Variants in KCNH1 observed in about 807,000 individuals in gnomAD.
KCNH1 encodes potassium voltage-gated channel subfamily H member 1.
In KCNH1, 27 loss-of-function variants were observed where a neutral mutation model predicts 69.2. The ratio of observed to expected loss-of-function variants is 0.39; its 90% CI spans 0.29 to 0.54. The LOEUF is 0.54. Ranked by LOEUF, KCNH1 falls within the 20% of genes least tolerant of loss-of-function variation. KCNH1 has a pLI of 0.68. For missense variants in KCNH1, 798 were observed against 1,261.6 expected (o/e 0.63, Z 5.57); for synonymous variants, 456 against 487.7 (o/e 0.93, Z 0.86).
chr1:211,016,687 T>C (rs1421210166), intron 6 of KCNH1, among the ~76,000 whole-genome samples: 1 of 151,902 alleles, frequency 6.6e-6, no homozygotes, highest in East Asian at 1.9e-4. Context: ...GGCAGGCAGA[T>C]CACTTGAGGT....
At chr1:210,809,009 C>A (rs911465517) in intron 7 of KCNH1, among the ~76,000 whole-genome samples, 1 of 152,134 alleles carries the variant, frequency 6.6e-6, no homozygotes, top group African/African-American at 2.4e-5. Flanking sequence ...CTCCCCCAAC[C>A]TCAAGGCAAA....
intron 5 of KCNH1, among the ~76,000 whole-genome samples, chr1:211,067,256 C>T (rs1166116235): frequency 6.6e-6 from 1 of 152,210 alleles, no homozygotes; most frequent in Non-Finnish European, 1.5e-5. Flanking sequence ...CTCAGAAGTG[C>T]ATCCCTCAGA....
chr1:210,981,870 T>C (rs1688716699), intron 6 of KCNH1, among the ~76,000 whole-genome samples: 1 of 151,980 alleles, frequency 6.6e-6, no homozygotes, highest in Admixed American at 6.6e-5. Context: ...CAAGGCAGGG[T>C]AAAGAGGGGC....
intron 7 of KCNH1, among the ~76,000 whole-genome samples, chr1:210,901,777 AAG>A (rs1686999994): frequency 6.6e-6 from 1 of 152,216 alleles, no homozygotes; most frequent in African/African-American, 2.4e-5. Flanking sequence ...GATCTTGAGA[AAG>A]AGAAGAATAG....
chr1:210,727,838 C>T (rs191865796), intron 10 of KCNH1, among the ~76,000 whole-genome samples: 2 of 152,258 alleles, frequency 1.3e-5, no homozygotes, highest in East Asian at 1.9e-4. Context: ...AAAGAAAAAA[C>T]GCTGAAGCAC....
chr1:210,817,831 T>C (rs898366157), intron 7 of KCNH1, among the ~76,000 whole-genome samples: 1 of 152,172 alleles, frequency 6.6e-6, no homozygotes, highest in South Asian at 2.1e-4. Flanking sequence ...GCCCTGAACC[T>C]TTGTACCAGT....
At position 211,098,571 on chromosome 1, in the gene KCNH1, A is replaced by G. The variant is rs1691201051; in HGVS notation, c.310+4925T>C. Among the ~76,000 whole-genome samples the G allele has an allele frequency of 2.0e-5, 3 of 152,298 alleles. 1 individual carries two copies. The South Asian group carries it at 6.2e-4, about 32-fold the overall frequency. ...ATAGGACAAATATTAATGCTTATCA[A>G]TAGAAGATCCTTTCTACAAAGTTGT... On this transcript the variant is annotated intron_variant, in intron 3 of 10. Coordinates refer to ENST00000271751, the MANE Select transcript of KCNH1 (RefSeq NM_172362.3).
chr1:210,802,877 C>G (rs927824488), intron 8 of KCNH1, among the ~76,000 whole-genome samples: 9 of 151,960 alleles, frequency 5.9e-5, no homozygotes, highest in Non-Finnish European at 1.0e-4. Flanking sequence ...ACCTGTGTAA[C>G]AAACCTGCAT....
rs922583507 is a variant in KCNH1 at position 211,053,153 on chromosome 1, C to T, written c.558+29627G>A. On this transcript the variant is annotated intron_variant, in intron 5 of 10. Coordinates refer to ENST00000271751, the MANE Select transcript of KCNH1 (RefSeq NM_172362.3). ...GATAGGCAGTGTAAACTGGCCCAAC[C>T]TTGTTTTTTCAACTTCAGCACTTTC... is the stretch of plus-strand genomic sequence containing the variant. Among the ~76,000 whole-genome samples the T allele has an allele frequency of 1.1e-4, 16 of 152,254 alleles. No individual in the cohort carries two copies. In the East Asian group the frequency reaches 2.9e-3, roughly 28 times the overall value.
chr1:211,090,303 T>C (rs905997461), intron 4 of KCNH1, among the ~76,000 whole-genome samples: 3 of 152,240 alleles, frequency 2.0e-5, no homozygotes, highest in Non-Finnish European at 2.9e-5. Flanking sequence ...TGTCTTCTTC[T>C]GCCTAACTAA....
At chr1:210,976,907 A>G (rs1291186002) in intron 6 of KCNH1, among the ~76,000 whole-genome samples, 5 of 148,178 alleles carry the variant, frequency 3.4e-5, no homozygotes, top group Non-Finnish European at 4.5e-5. Flanking sequence ...GCGAGTCCTC[A>G]GGGATCTAGA....
chr1:211,034,607 C>A (rs150127732), intron 5 of KCNH1, among the ~76,000 whole-genome samples: 1 of 152,016 alleles, frequency 6.6e-6, no homozygotes, highest in African/African-American at 2.4e-5. Context: ...TCACTTACAT[C>A]GTTTCTTACA....
intron 6 of KCNH1, among the ~76,000 whole-genome samples, chr1:210,949,098 T>G (rs1174920019): frequency 1.3e-5 from 2 of 152,180 alleles, no homozygotes; most frequent in East Asian, 3.9e-4. Context: ...TGAACAATTT[T>G]TTTATTATAA....
chr1:211,066,946 C>T (rs377479653), intron 5 of KCNH1, among the ~76,000 whole-genome samples: 4 of 152,318 alleles, frequency 2.6e-5, no homozygotes, highest in South Asian at 4.1e-4. Context: ...GTCGTGCCTA[C>T]GCTCCAGCTA....
intron 10 of KCNH1, among the ~76,000 whole-genome samples, chr1:210,727,743 C>T (rs1308064535): frequency 4.6e-5 from 7 of 152,176 alleles, no homozygotes; most frequent in Non-Finnish European, 7.4e-5. Flanking sequence ...AGCTAACATG[C>T]AAGAACCAGG....
rs949833873 is a variant in KCNH1 at position 211,133,126 on chromosome 1, C to T, written c.79+741G>A. 1 of 152,212 alleles carries T rather than the reference C, an allele frequency of 6.6e-6. No individual in the cohort carries two copies. Among genetic ancestry groups the T allele is most frequent in the African/African-American group, 2.4e-5 (1 of 41,424 alleles). 9.4% of individuals were successfully genotyped at this position (152,212 alleles called of 1,614,324 possible). A position where few individuals can be genotyped will look rare whatever the true frequency, so the allele number is the denominator to read the frequency against. On this transcript the variant is annotated intron_variant, in intron 1 of 10. Coordinates refer to ENST00000271751, the MANE Select transcript of KCNH1 (RefSeq NM_172362.3). This position sits in a 1 kb window ranked among gnomAD's most constrained non-coding sequence, Gnocchi z 5.4. ...AGATTGGGAATTTATAGGTGAGCAACACTTAAGGGTGGCATAAAACCGTTG... is the reference window on the plus strand; with the variant it reads ...AGATTGGGAATTTATAGGTGAGCAATACTTAAGGGTGGCATAAAACCGTTG...
At chr1:210,939,347 A>G (rs929757223) in intron 6 of KCNH1, among the ~76,000 whole-genome samples, 5 of 152,200 alleles carry the variant, frequency 3.3e-5, no homozygotes, top group Non-Finnish European at 7.3e-5. Context: ...GGTGCCAAAA[A>G]GAGGGATGAT....
chr1:210,911,042 T>C (rs544306460), intron 7 of KCNH1, among the ~76,000 whole-genome samples: 1 of 151,080 alleles, frequency 6.6e-6, no homozygotes, highest in East Asian at 2.0e-4. Flanking sequence ...GTGGAGAAAA[T>C]ACCATATTTT....
chr1:210,779,679 G>A (rs1574250935), intron 9 of KCNH1, among the ~76,000 whole-genome samples: 1 of 151,958 alleles, frequency 6.6e-6, no homozygotes, highest in East Asian at 1.9e-4. Flanking sequence ...AAAACTTAAT[G>A]TTCCAAGTCT....
Sources: gnomAD v4.1 joint callset for allele counts (sites outside exome capture counted in the v4.1 genomes callset) on GRCh38, gnomAD v4.1.1 for gene constraint, Gnocchi (gnomAD v3.1) non-coding constraint, MANE v1.5 for transcripts, NCBI Gene and HGNC (gene_info 2026-07-23, HGNC 2026-07-21) for gene names.